The following HTR2C variants were observed in gnomAD, a reference collection of about 807,000 sequenced individuals.
HTR2C encodes the protein 5-hydroxytryptamine receptor 2C, also known as 5-hydroxytryptamine (serotonin) receptor 2C, G protein-coupled.
Under a neutral mutation model 21.0 loss-of-function variants are expected in HTR2C, and 5 were observed. The ratio of observed to expected loss-of-function variants is 0.24; its 90% CI spans 0.12 to 0.50. The LOEUF is 0.50. HTR2C is among the 20% of genes least tolerant of loss of function. HTR2C has a pLI of 0.98. For missense variants in HTR2C, 271 were observed against 371.2 expected (o/e 0.73, Z 2.22); for synonymous variants, 150 against 145.3 (o/e 1.03, Z -0.23).
intron 2 of HTR2C, among the ~76,000 whole-genome samples, chrX:114,633,947 T>TATATATATATATAGAGAG (rs201763901): frequency 4.3e-5 from 4 of 92,192 alleles, no homozygotes; most frequent in South Asian, 5.9e-4. Context: ...TATATATATA[T>TATATATATATATAGAGAG]AGAGAGAGAG....
chrX:114,631,495 T>C (rs150905947), intron 2 of HTR2C, among the ~76,000 whole-genome samples: 2,023 of 112,082 alleles, frequency 0.018, 52 homozygotes, highest in African/African-American at 0.062. Context: ...GATCTACGAT[T>C]GTCATGGTGA....
intron 2 of HTR2C, 94 bp from the exon 3 acceptor site, chrX:114,726,764 C>T: frequency 2.6e-6 from 1 of 382,087 alleles, no homozygotes; most frequent in Non-Finnish European, 4.5e-6. Flanking sequence ...TGTTTCTTAT[C>T]ACCATTAAGT....
At chrX:114,804,802 T>G (rs1178486651) in intron 4 of HTR2C, among the ~76,000 whole-genome samples, 7 of 111,732 alleles carry the variant, frequency 6.3e-5, no homozygotes, top group African/African-American at 2.3e-4. Flanking sequence ...GTCCTTGGTC[T>G]GGTGTCTGCT....
intron 4 of HTR2C, among the ~76,000 whole-genome samples, chrX:114,748,962 A>T (rs782748094): frequency 8.9e-6 from 1 of 112,028 alleles, no homozygotes; most frequent in East Asian, 2.8e-4. Context: ...TTGATAAAGA[A>T]TATTCAGCAG....
intron 5 of HTR2C, among the ~76,000 whole-genome samples, chrX:114,880,155 G>A (rs1422016769): frequency 9.1e-6 from 1 of 109,844 alleles, no homozygotes; most frequent in Non-Finnish European, 1.9e-5. Context: ...TCTCATTACA[G>A]AACATTTTCA....
chrX:114,721,875 A>G (rs1442617428), intron 2 of HTR2C, among the ~76,000 whole-genome samples: 3 of 106,310 alleles, frequency 2.8e-5, no homozygotes, highest in African/African-American at 1.0e-4. Flanking sequence ...CCATTGATCT[A>G]TATCTCTGTT....
intron 2 of HTR2C, chrX:114,715,470 A>G (rs895021310): frequency 2.9e-5 from 7 of 243,957 alleles, no homozygotes; most frequent in Non-Finnish European, 4.8e-5. Flanking sequence ...GTAAGTGGGA[A>G]TGTATTTTAG....
At chrX:114,703,877 A>G in intron 2 of HTR2C, among the ~76,000 whole-genome samples, 1 of 110,386 alleles carries the variant, frequency 9.1e-6, no homozygotes, top group South Asian at 3.9e-4. Context: ...TAAAGGGGAT[A>G]TCACCACTGA....
intron 4 of HTR2C, 110 bp from the exon 5 acceptor site, chrX:114,847,893 C>T (rs1336818869): frequency 1.8e-6 from 1 of 555,962 alleles, no homozygotes; most frequent in African/African-American, 2.3e-5. Context: ...CTAAATTTCA[C>T]TTTCTTTAAA....
At chrX:114,723,464 C>T (rs1184930045) in intron 2 of HTR2C, among the ~76,000 whole-genome samples, 1 of 110,904 alleles carries the variant, frequency 9.0e-6, no homozygotes, top group African/African-American at 3.3e-5. Context: ...TTCAAAAAAC[C>T]AGCTCCCGGA....
chrX:114,693,349 C>T (rs1216327622), intron 2 of HTR2C, among the ~76,000 whole-genome samples: 1 of 111,337 alleles, frequency 9.0e-6, no homozygotes, highest in Non-Finnish European at 1.9e-5. Context: ...AGTATAAGAG[C>T]TCTGTGTAGA....
intron 2 of HTR2C, among the ~76,000 whole-genome samples, chrX:114,650,577 C>G (rs920193368): frequency 8.9e-6 from 1 of 111,784 alleles, no homozygotes; most frequent in Non-Finnish European, 1.9e-5. Flanking sequence ...TGGAAGAGTT[C>G]CATCCTGATC....
intron 2 of HTR2C, among the ~76,000 whole-genome samples, chrX:114,673,273 G>C (rs1291099748): frequency 8.9e-5 from 10 of 111,920 alleles, no homozygotes; most frequent in Non-Finnish European, 7.5e-5. Flanking sequence ...ATTTCACCAA[G>C]TTATTACATT....
intron 4 of HTR2C, among the ~76,000 whole-genome samples, chrX:114,820,433 A>G (rs1166775444): frequency 8.2e-5 from 9 of 110,127 alleles, no homozygotes; most frequent in Non-Finnish European, 1.3e-4. Context: ...AAATGGCAAT[A>G]ATTTAATTTT....
intron 2 of HTR2C, among the ~76,000 whole-genome samples, chrX:114,709,492 T>G (rs1036652912): frequency 8.9e-6 from 1 of 112,322 alleles, no homozygotes; most frequent in Non-Finnish European, 1.9e-5. Context: ...TAAAAATCAC[T>G]TTGTTCCACT....
At chrX:114,701,261 A>G (rs868925865) in intron 2 of HTR2C, among the ~76,000 whole-genome samples, 1 of 112,086 alleles carries the variant, frequency 8.9e-6, no homozygotes, top group South Asian at 3.7e-4. Flanking sequence ...TGCCTCCTCA[A>G]GTGGGTCCCT....
chrX:114,658,805 T>C (rs1478207380), intron 2 of HTR2C, among the ~76,000 whole-genome samples: 1 of 111,500 alleles, frequency 9.0e-6, no homozygotes, highest in East Asian at 2.8e-4. Flanking sequence ...CAGTAACCAT[T>C]GTTGTTTCAG....
chrX:114,624,317 T>C (rs5945992), intron 2 of HTR2C, among the ~76,000 whole-genome samples: 9,319 of 111,497 alleles, frequency 0.084, 411 homozygotes, highest in Non-Finnish European at 0.13. Flanking sequence ...TATTACTTAT[T>C]ATTTTTATAT....
chrX:114,723,463 C>T (rs1387896881), intron 2 of HTR2C, among the ~76,000 whole-genome samples: 1 of 111,066 alleles, frequency 9.0e-6, no homozygotes, highest in Non-Finnish European at 1.9e-5. Context: ...TTTCAAAAAA[C>T]CAGCTCCCGG....
Sources: allele counts gnomAD v4.1 joint callset (sites outside exome capture counted in the v4.1 genomes callset), GRCh38; gene constraint gnomAD v4.1.1; transcripts MANE v1.5; gene names NCBI Gene and HGNC (gene_info 2026-07-23, HGNC 2026-07-21).